SNX31: variants seen among roughly 807,000 people sequenced by gnomAD.
SNX31 encodes sorting nexin-31.
SNX31 carries 58 observed loss-of-function variants against 65.4 expected under a neutral mutation model. The observed-to-expected ratio is 0.89, with a 90% confidence interval of 0.72 to 1.10. The LOEUF is 1.10. Among genes scored for constraint, SNX31 ranks in the 50% least tolerant of loss-of-function variants. The pLI is 0.00. For synonymous variants in SNX31, 181 were observed against 190.1 expected (o/e 0.95, Z 0.39); for missense variants, 523 against 529.7 (o/e 0.99, Z 0.12).
rs764841008 is a variant in SNX31 at position 100,596,784 on chromosome 8, GT to G, written c.832del (p.Thr278ProfsTer38). The G allele has an allele frequency of 1.2e-6, 2 of 1,613,924 alleles. No homozygotes were observed. The highest frequency in any genetic ancestry group is 2.7e-5 in the African/African-American group (2 of 74,858). On this transcript the variant is annotated frameshift_variant, in exon 10 of 14. Transcript: ENST00000311812. LOFTEE classifies it high-confidence loss of function. Reference sequence around the variant, plus strand: ...AGAGCCTGATTCTGGGTAGTCACAGGTACAAGGATCCAGCTGCAGGTATCCA... The same window carrying G: ...AGAGCCTGATTCTGGGTAGTCACAGGACAAGGATCCAGCTGCAGGTATCCA... ...HYGYLQLDPC[T>X]CDYPESGSGA...
chr8:100,585,584 GA>G (rs1481004154), intron 11 of SNX31, among the ~76,000 whole-genome samples: 1 of 151,820 alleles, frequency 6.6e-6, no homozygotes, highest in African/African-American at 2.4e-5. Flanking sequence ...AGGGAAGAGA[GA>G]AAAAAGGGCC....
At chr8:100,606,451 C>A (rs760335992) in intron 8 of SNX31, among the ~76,000 whole-genome samples, 2 of 152,170 alleles carry the variant, frequency 1.3e-5, no homozygotes, top group Non-Finnish European at 2.9e-5. Flanking sequence ...TTGATTTGCC[C>A]TCTTAGAATT....
rs2130763463 is a variant in SNX31 at position 100,576,952 on chromosome 8, T to G, written c.1227+67A>C. The stretch of plus-strand genomic sequence containing the variant: ...TTATTGAAAGTGAGATGACTTTGGT[T>G]AAAGAGGAAAAAAGATCAGATTTAT... On this transcript the variant is annotated intron_variant, in intron 13 of 13. Coordinates refer to ENST00000311812, the MANE Select transcript of SNX31 (RefSeq NM_152628.4). This position sits in a 1 kb window ranked among gnomAD's most constrained non-coding sequence, Gnocchi z 4.8. 2 of 1,327,438 alleles carry G rather than the reference T, an allele frequency of 1.5e-6. No homozygotes were observed. The highest frequency in any genetic ancestry group is 2.1e-6 in the Non-Finnish European group (2 of 937,200). The allele number at this position is 1,327,438 out of a possible 1,614,324, so 82.2% of individuals were successfully genotyped here.
In SNX31 at chr8:100,613,181, A is replaced by T; in HGVS notation, c.433-96T>A. ...GACTTGGAAATGGCCGGTACACATC[A>T]ATAAAAAATGCTGTCATGGGTTAGT... On this transcript the variant is annotated intron_variant, in intron 5 of 13. Transcript: ENST00000311812. The surrounding 1 kb of genome is among the most constrained non-coding windows in gnomAD (Gnocchi z 5.2). The T allele has an allele frequency of 1.1e-6, 1 of 927,066 alleles. No individual in the cohort carries two copies. Among genetic ancestry groups the T allele is most frequent in the South Asian group, 1.4e-5 (1 of 71,176 alleles). 57.4% of individuals were successfully genotyped at this position (927,066 alleles called of 1,614,324 possible).
chr8:100,599,672 T>C (rs1480497307), intron 9 of SNX31, among the ~76,000 whole-genome samples: 2 of 152,250 alleles, frequency 1.3e-5, no homozygotes, highest in African/African-American at 4.8e-5. Flanking sequence ...GTTGTGAACA[T>C]TGGCAAAGTC....
chr8:100,607,103 A>T (rs970867039), intron 8 of SNX31, among the ~76,000 whole-genome samples: 9 of 152,108 alleles, frequency 5.9e-5, no homozygotes, highest in Non-Finnish European at 1.2e-4. Flanking sequence ...GAACAAGGAC[A>T]TTGGGATTTG....
chr8:100,574,355 C>A (rs532208955), intron 13 of SNX31, among the ~76,000 whole-genome samples: 1 of 152,194 alleles, frequency 6.6e-6, no homozygotes, highest in African/African-American at 2.4e-5. Flanking sequence ...GCTGGGCGGC[C>A]AGGCGCAGTG....
chr8:100,630,253 T>G lies in SNX31; in HGVS notation c.321+74A>C. On this transcript the variant is annotated intron_variant, in intron 4 of 13. Coordinates refer to ENST00000311812, the MANE Select transcript of SNX31 (RefSeq NM_152628.4). This position sits in a 1 kb window ranked among gnomAD's most constrained non-coding sequence, Gnocchi z 5.3. ...GCTGTGACCAGTGCACACATGTGTG[T>G]GTACCTGCACACTTGGTTCATGAAG... 1 of 1,392,674 alleles carries G rather than the reference T, an allele frequency of 7.2e-7. No homozygotes were observed. The highest frequency in any genetic ancestry group is 1.0e-6 in the Non-Finnish European group (1 of 982,630). The allele number at this position is 1,392,674 out of a possible 1,614,324, so 86.3% of individuals were successfully genotyped here.
Position 100,630,911 on chromosome 8 carries a change from T to C in SNX31, c.257-520A>G, listed in dbSNP as rs7816603. 0.17 allele frequency among the ~76,000 whole-genome samples: 26,564 copies of C among 152,010 alleles called. 2,748 individuals are homozygous for C. Among genetic ancestry groups the C allele is most frequent in the African/African-American group, 0.28 (11,406 of 41,444 alleles). ...AAGACGATTCTCTTGCCTCAGCCTC[T>C]GAAGTAGCTGGGATTACAGGCACTC... On this transcript the variant is annotated intron_variant, in intron 3 of 13. Coordinates refer to ENST00000311812, the MANE Select transcript of SNX31 (RefSeq NM_152628.4). This position sits in a 1 kb window ranked among gnomAD's most constrained non-coding sequence, Gnocchi z 5.3.
rs1019570201 is a variant in SNX31, at chr8:100,622,435, T to G, written c.322-4705A>C. Among the ~76,000 whole-genome samples the G allele has an allele frequency of 6.6e-6, 1 of 152,146 alleles. No homozygotes were observed. Among genetic ancestry groups the G allele is most frequent in the African/African-American group, 2.4e-5 (1 of 41,428 alleles). ...ACCCAGCTGAGGTAGGTGGGTCATT[T>G]GAGGTCAGGAGTTCGAGACCAGCCT... On this transcript the variant is annotated intron_variant, in intron 4 of 13. Coordinates refer to ENST00000311812, the MANE Select transcript of SNX31 (RefSeq NM_152628.4). The surrounding 1 kb of genome is among the most constrained non-coding windows in gnomAD (Gnocchi z 5.0).
intron 12 of SNX31, among the ~76,000 whole-genome samples, chr8:100,581,331 ATCTATC>A (rs1246283652): frequency 1.3e-4 from 9 of 70,868 alleles, no homozygotes; most frequent in African/African-American, 4.4e-4. Flanking sequence ...ATATCTATCT[ATCTATC>A]TATATATATA....
rs199651554 is a variant in SNX31, at chr8:100,613,038, G to A, written c.480C>T (p.Phe160=). Residue 160 remains phenylalanine, a synonymous_variant, in exon 6 of 14, where the codon TTC becomes TTT. Transcript: ENST00000311812. The surrounding 1 kb of genome is among the most constrained non-coding windows in gnomAD (Gnocchi z 5.2). ...TGCCAAACCGAATGAGAAAGAGGCC[G>A]AAGTAGCCCAAGAGCTCTCGACACA... ...IGLCRELLGY[F]GLFLIRFGKE... 26 of 1,613,894 alleles carry A rather than the reference G, an allele frequency of 1.6e-5. No homozygotes were observed. The highest frequency in any genetic ancestry group is 4.0e-5 in the African/African-American group (3 of 74,866).
intron 4 of SNX31, 117 bp from the exon 5 acceptor site, chr8:100,617,847 C>G (rs548609830): frequency 1.3e-6 from 1 of 794,132 alleles, no homozygotes; most frequent in East Asian, 2.9e-5. Context: ...TCACTGCAAC[C>G]TCTGCCTCCT....
At chr8:100,601,980 C>T (rs1815675165) in intron 8 of SNX31, among the ~76,000 whole-genome samples, 1 of 152,200 alleles carries the variant, frequency 6.6e-6, no homozygotes, top group African/African-American at 2.4e-5. Flanking sequence ...CTGGGGAGGC[C>T]GTGGAATCAG....
At chr8:100,644,148 C>A (rs78077051) in intron 2 of SNX31, among the ~76,000 whole-genome samples, 9,936 of 151,860 alleles carry the variant, frequency 0.065, 452 homozygotes, top group Non-Finnish European at 0.095. Flanking sequence ...GGGAAGCAGC[C>A]AAGTTGGGTC....
At position 100,609,150 on chromosome 8, in the gene SNX31, T is replaced by C. The variant is rs1010743196; in HGVS notation, c.612-587A>G. Among the ~76,000 whole-genome samples, 1 of 152,120 alleles carries C rather than the reference T, an allele frequency of 6.6e-6. No homozygotes were observed. Among genetic ancestry groups the C allele is most frequent in the Non-Finnish European group, 1.5e-5 (1 of 68,016 alleles). On this transcript the variant is annotated intron_variant, in intron 7 of 13. Coordinates refer to ENST00000311812, the MANE Select transcript of SNX31 (RefSeq NM_152628.4). The surrounding 1 kb of genome is among the most constrained non-coding windows in gnomAD (Gnocchi z 4.9). ...TTCCGGGGACCACCCCCACTTTCAT[T>C]TCCAGTTCCATCTCTCACCAACCCC...
chr8:100,572,890 T>C lies in SNX31; in HGVS notation c.*975A>G, dbSNP rs1401850438. 6.6e-6 allele frequency: 1 copy of C among 152,208 alleles called. No individual in the cohort carries two copies. The highest frequency in any genetic ancestry group is 1.5e-5 in the Non-Finnish European group (1 of 68,032). 9.4% of individuals were successfully genotyped at this position (152,208 alleles called of 1,614,324 possible). On this transcript the variant is annotated 3_prime_UTR_variant, in exon 14 of 14. Coordinates refer to ENST00000311812, the MANE Select transcript of SNX31 (RefSeq NM_152628.4). ...GAATTTTAATCAACAAATTTTATAT[T>C]CACTGGAATTATTTTGTATTTATTA...
rs536765890 is a variant in SNX31 at position 100,631,110 on chromosome 8, G to A, written c.257-719C>T. Reference sequence around the variant, plus strand: ...GCCGAGAGCACCCCTTTGAATGATAGGAGTTCTCGAGATGTTACCAAAAAA... The same window carrying A: ...GCCGAGAGCACCCCTTTGAATGATAAGAGTTCTCGAGATGTTACCAAAAAA... On this transcript the variant is annotated intron_variant, in intron 3 of 13. Transcript: ENST00000311812. 1.4e-4 allele frequency among the ~76,000 whole-genome samples: 22 copies of A among 152,116 alleles called. No homozygotes were observed. The South Asian group carries it at 4.4e-3, about 30-fold the overall frequency.
chr8:100,581,824 T>C (rs910111340), intron 12 of SNX31, among the ~76,000 whole-genome samples: 2 of 152,148 alleles, frequency 1.3e-5, no homozygotes, highest in African/African-American at 2.4e-5. Flanking sequence ...AAAATGACTT[T>C]AATCGACTGT....
Sources: gnomAD v4.1 joint callset for allele counts (sites outside exome capture counted in the v4.1 genomes callset) on GRCh38, gnomAD v4.1.1 for gene constraint, Gnocchi (gnomAD v3.1) non-coding constraint, MANE v1.5 for transcripts, NCBI Gene and HGNC (gene_info 2026-07-23, HGNC 2026-07-21) for gene names.